The following SPTLC1 variants were observed in gnomAD, a reference collection of about 807,000 sequenced individuals.
The protein encoded by SPTLC1 is serine palmitoyltransferase long chain base subunit 1, also known as serine palmitoyltransferase 1.
SPTLC1 carries 55 observed loss-of-function variants against 68.9 expected under a neutral mutation model. The ratio of observed to expected loss-of-function variants is 0.80; its 90% CI spans 0.64 to 1.00. The LOEUF (loss-of-function observed/expected upper bound fraction) is 1.00. Among genes scored for constraint, SPTLC1 ranks in the 50% least tolerant of loss-of-function variants. SPTLC1 has a pLI of 0.00. For synonymous variants in SPTLC1, 197 were observed against 201.6 expected, an observed-to-expected ratio of 0.98 and a Z score of 0.19; for missense variants, 449 against 573.1, an observed-to-expected ratio of 0.78 and a Z score of 2.21.
chr9:92,034,865 CA>C lies in SPTLC1; in HGVS notation c.1272del (p.Ile424MetfsTer3). On this transcript the variant is annotated frameshift_variant, in exon 14 of 15. Transcript: ENST00000262554. LOFTEE classifies it high-confidence loss of function. ...TCCAAGTAGCGCGCCTGAGTTAATG[CA>C]ATACTTCTGTTCATGCACTGTAGGA... ...EIVDQCMNRS[I>X]ALTQARYLEK... The C allele has an allele frequency of 6.2e-7, 1 of 1,614,124 alleles. No homozygotes were observed. Among genetic ancestry groups the C allele is most frequent in the Non-Finnish European group, 8.5e-7 (1 of 1,180,004 alleles).
intron 1 of SPTLC1, 129 bp downstream of exon 1, chr9:92,115,185 G>A: frequency 1.2e-6 from 1 of 823,160 alleles, no homozygotes; most frequent in South Asian, 1.4e-5. Context: ...AGTCCTTCCA[G>A]CAAGAGGCAC....
chr9:92,082,452 A>G (rs1834921529), intron 3 of SPTLC1, among the ~76,000 whole-genome samples: 1 of 133,724 alleles, frequency 7.5e-6, no homozygotes, highest in African/African-American at 2.9e-5. Context: ...ATGTGTTCTC[A>G]GTGTTCAATT....
chr9:92,073,587 C>T (rs920294964), intron 5 of SPTLC1, among the ~76,000 whole-genome samples: 1 of 152,128 alleles, frequency 6.6e-6, no homozygotes, highest in Non-Finnish European at 1.5e-5. Context: ...AGGCGATATA[C>T]AGCACCAAAC....
intron 3 of SPTLC1, among the ~76,000 whole-genome samples, chr9:92,092,958 G>C (rs550786182): frequency 1.1e-4 from 17 of 152,298 alleles, no homozygotes; most frequent in Admixed American, 3.3e-4. Flanking sequence ...GACTGCATGA[G>C]AGTGGTTCTG....
At chr9:92,044,350 T>C (rs1833442656) in intron 12 of SPTLC1, among the ~76,000 whole-genome samples, 1 of 152,186 alleles carries the variant, frequency 6.6e-6, no homozygotes, top group African/African-American at 2.4e-5. Flanking sequence ...GCGTGCAGTG[T>C]AGCAGAGTCC....
chr9:92,083,292 G>A (rs1400638480), intron 3 of SPTLC1, among the ~76,000 whole-genome samples: 1 of 152,158 alleles, frequency 6.6e-6, no homozygotes, highest in Non-Finnish European at 1.5e-5. Flanking sequence ...TACTTTTGGT[G>A]TTTTAGACAT....
At chr9:92,037,790 G>C (rs547205007) in intron 13 of SPTLC1, among the ~76,000 whole-genome samples, 26 of 152,224 alleles carry the variant, frequency 1.7e-4, no homozygotes, top group Admixed American at 3.9e-4. Context: ...AGAGCATCCT[G>C]ACTTCAGGGT....
chr9:92,112,367 A>T (rs7019629), intron 2 of SPTLC1, 88 bp downstream of exon 2: 13,486 of 927,176 alleles, frequency 0.015, 383 homozygotes, highest in African/African-American at 0.094. Flanking sequence ...TTTAACACAC[A>T]TGGTTGAGCC....
chr9:92,072,156 G>A (rs999683423), intron 5 of SPTLC1, among the ~76,000 whole-genome samples: 1 of 151,910 alleles, frequency 6.6e-6, no homozygotes, highest in African/African-American at 2.4e-5. Flanking sequence ...CCCGGGATAG[G>A]GGAACTCTCT....
chr9:92,050,273 G>T, intron 8 of SPTLC1: 1 of 518,620 alleles, frequency 1.9e-6, no homozygotes, highest in Non-Finnish European at 3.5e-6. Context: ...TGCATGTGCA[G>T]AGCAGTGAAG....
At chr9:92,106,860 C>T (rs1836015067) in intron 3 of SPTLC1, among the ~76,000 whole-genome samples, 2 of 152,140 alleles carry the variant, frequency 1.3e-5, no homozygotes. Flanking sequence ...CTTCCAGCCT[C>T]CCTTCAGAAG....
At chr9:92,083,480 C>A (rs1403809431) in intron 3 of SPTLC1, among the ~76,000 whole-genome samples, 1 of 152,090 alleles carries the variant, frequency 6.6e-6, no homozygotes, top group Non-Finnish European at 1.5e-5. Flanking sequence ...TTTCCCAGCA[C>A]CATTTATTAA....
chr9:92,068,808 G>A (rs901917371), intron 5 of SPTLC1, among the ~76,000 whole-genome samples: 1 of 152,270 alleles, frequency 6.6e-6, no homozygotes, highest in East Asian at 1.9e-4. Context: ...ACTGAACCAT[G>A]AGGCTTCATG....
intron 6 of SPTLC1, among the ~76,000 whole-genome samples, chr9:92,061,533 AG>A (rs1401719085): frequency 4.6e-5 from 7 of 152,250 alleles, no homozygotes; most frequent in Admixed American, 1.3e-4. Flanking sequence ...AAGCCATAAA[AG>A]AATACTGTTA....
At chr9:92,076,202 G>A (rs1834678608) in intron 5 of SPTLC1, among the ~76,000 whole-genome samples, 1 of 152,136 alleles carries the variant, frequency 6.6e-6, no homozygotes, top group African/African-American at 2.4e-5. Flanking sequence ...GCAGAAAGAG[G>A]TTTTCTCACT....
At chr9:92,101,870 TA>T (rs1835768130) in intron 3 of SPTLC1, among the ~76,000 whole-genome samples, 1 of 151,848 alleles carries the variant, frequency 6.6e-6, no homozygotes, top group African/African-American at 2.4e-5. Context: ...ACAGAAAACT[TA>T]TTTAACAAAA....
At chr9:92,108,407 C>T (rs1330519565) in intron 3 of SPTLC1, 2 of 329,134 alleles carry the variant, frequency 6.1e-6, no homozygotes, top group Non-Finnish European at 1.2e-5. Flanking sequence ...ATGAGGGTAA[C>T]GTGCGACAAA....
At position 92,055,437 on chromosome 9, in the gene SPTLC1, T is replaced by G; in HGVS notation, c.748A>C (p.Asn250His). Reference protein sequence around the residue: ...RFIVVEGLYMNTGTICPLPEL... With the variant: ...RFIVVEGLYMHTGTICPLPEL... ...GGAAGAGGACAAATAGTTCCAGTAT[T>G]CATATACAATCCTTCTACTACAATG... The change falls in exon 8 of 15, where the codon AAT (asparagine) becomes CAT (histidine). Residue 250 changes from asparagine to histidine, a missense_variant. By Grantham distance (68) the Asn-to-His change is moderately conservative. Coordinates refer to ENST00000262554, the MANE Select transcript of SPTLC1 (RefSeq NM_006415.4). 6.2e-7 allele frequency: 1 copy of G among 1,613,802 alleles called. No individual in the cohort carries two copies. Among genetic ancestry groups the G allele is most frequent in the Non-Finnish European group, 8.5e-7 (1 of 1,179,884 alleles).
intron 7 of SPTLC1, among the ~76,000 whole-genome samples, chr9:92,055,784 G>A (rs1159799768): frequency 6.6e-6 from 1 of 152,176 alleles, no homozygotes; most frequent in African/African-American, 2.4e-5. Flanking sequence ...CTCCAACTGG[G>A]AAGGGGCCTA....
Sources: gnomAD v4.1 joint callset for allele counts (sites outside exome capture counted in the v4.1 genomes callset) on GRCh38, gnomAD v4.1.1 for gene constraint, MANE v1.5 for transcripts, NCBI Gene and HGNC (gene_info 2026-07-23, HGNC 2026-07-21) for gene names.